PNPT1: variants seen among roughly 807,000 people sequenced by gnomAD.
The protein encoded by PNPT1 is polyribonucleotide nucleotidyltransferase 1, also known as polyribonucleotide nucleotidyltransferase 1, mitochondrial.
PNPT1 carries 53 observed loss-of-function variants against 119.5 expected under a neutral mutation model. The observed-to-expected ratio is 0.44, with a 90% CI of 0.36 to 0.56. The LOEUF is 0.56. PNPT1 is among the 20% of genes least tolerant of loss of function. The probability of loss-of-function intolerance (pLI) is 0.00; values close to 1 mark genes in which losing one functional copy is unlikely to be tolerated. For missense variants in PNPT1, 948 were observed against 938.5 expected (o/e 1.01, Z -0.13); for synonymous variants, 357 against 322.1 (o/e 1.11, Z -1.16).
At chr2:55,675,110 T>C (rs1487367208) in intron 8 of PNPT1, among the ~76,000 whole-genome samples, 1 of 151,774 alleles carries the variant, frequency 6.6e-6, no homozygotes, top group Non-Finnish European at 1.5e-5. Context: ...AGATAACAAC[T>C]AGAAGATAAA....
intron 3 of PNPT1, among the ~76,000 whole-genome samples, chr2:55,686,076 G>C (rs979921133): frequency 1.3e-5 from 2 of 152,170 alleles, no homozygotes; most frequent in African/African-American, 4.8e-5. Context: ...ATACTGAAGG[G>C]AAACTATGAG....
intron 18 of PNPT1, among the ~76,000 whole-genome samples, chr2:55,653,277 C>T (rs1265806119): frequency 2.0e-5 from 3 of 152,072 alleles, no homozygotes; most frequent in South Asian, 2.1e-4. Flanking sequence ...ATAATAAGAA[C>T]GTTTTCTGTC....
intron 5 of PNPT1, 135 bp from the exon 6 acceptor site, chr2:55,681,053 G>A (rs905203964): frequency 1.5e-4 from 102 of 684,542 alleles, no homozygotes; most frequent in Middle Eastern, 3.8e-4. Flanking sequence ...GTCATTAAAC[G>A]AAATGCTTGA....
chr2:55,637,665 A>AT (rs2104013271), intron 26 of PNPT1, 66 bp from the exon 27 acceptor site: 35 of 1,323,234 alleles, frequency 2.6e-5, no homozygotes, highest in East Asian at 6.9e-5. Context: ...GGAAGTACAC[A>AT]TTTTTTCCTC....
chr2:55,687,070 TG>T (rs1354712342), intron 2 of PNPT1, among the ~76,000 whole-genome samples: 1 of 151,686 alleles, frequency 6.6e-6, no homozygotes, highest in East Asian at 1.9e-4. Flanking sequence ...AAAAATTAGC[TG>T]GGCGTGGTGG....
At chr2:55,644,110 T>C (rs1459628661) in intron 23 of PNPT1, among the ~76,000 whole-genome samples, 1 of 152,068 alleles carries the variant, frequency 6.6e-6, no homozygotes, top group Non-Finnish European at 1.5e-5. Context: ...TTACGAGGGG[T>C]GAATAAATGA....
intron 1 of PNPT1, among the ~76,000 whole-genome samples, chr2:55,693,207 ACGTGGGGGACC>A: frequency 6.6e-6 from 1 of 152,140 alleles, no homozygotes; most frequent in Non-Finnish European, 1.5e-5. Context: ...GAGGAGTGGG[ACGTGGGGGACC>A]CGTGGTGCAC....
At chr2:55,685,101 A>G in intron 3 of PNPT1, 53 bp from the exon 4 acceptor site, 1 of 1,353,558 alleles carries the variant, frequency 7.4e-7, no homozygotes, top group Non-Finnish European at 1.0e-6. Context: ...GAAACAAACT[A>G]TACTGTATGA....
intron 12 of PNPT1, among the ~76,000 whole-genome samples, chr2:55,667,360 C>T (rs751435493): frequency 2.1e-4 from 32 of 152,004 alleles, no homozygotes; most frequent in Admixed American, 3.9e-4. Context: ...TTTTGGAGTC[C>T]GAGGCAGGCG....
chr2:55,684,395 TA>T (rs1467864267), intron 4 of PNPT1, among the ~76,000 whole-genome samples: 2 of 151,816 alleles, frequency 1.3e-5, no homozygotes, highest in Non-Finnish European at 2.9e-5. Flanking sequence ...ACCCGGGAGG[TA>T]GAGGTTGCAG....
intron 18 of PNPT1, among the ~76,000 whole-genome samples, chr2:55,650,175 C>CTACCA (rs1696128442): frequency 7.9e-6 from 1 of 126,724 alleles, no homozygotes; most frequent in Non-Finnish European, 1.8e-5. Flanking sequence ...TACCTCTACC[C>CTACCA]ACGGTCTCCC....
intron 2 of PNPT1, among the ~76,000 whole-genome samples, chr2:55,687,199 G>C (rs1429916062): frequency 8.3e-6 from 1 of 120,390 alleles, no homozygotes; most frequent in Admixed American, 9.1e-5. Context: ...GGGCAACAGA[G>C]TGAGACTCCA....
At chr2:55,686,277 A>G in intron 3 of PNPT1, 93 bp downstream of exon 3, 1 of 1,156,128 alleles carries the variant, frequency 8.6e-7, no homozygotes, top group Admixed American at 2.5e-5. Context: ...GCAAGTTTGT[A>G]TTTTCCACTC....
intron 13 of PNPT1, among the ~76,000 whole-genome samples, chr2:55,666,502 T>C (rs956848528): frequency 6.6e-6 from 1 of 152,172 alleles, no homozygotes; most frequent in African/African-American, 2.4e-5. Context: ...GCATAGTTTA[T>C]TGAACAGCAA....
chr2:55,681,870 G>A (rs947471441), intron 5 of PNPT1, among the ~76,000 whole-genome samples: 4 of 148,466 alleles, frequency 2.7e-5, no homozygotes, highest in South Asian at 2.1e-4. Flanking sequence ...GGCTGGGCGC[G>A]GTGGCTCACG....
intron 1 of PNPT1, among the ~76,000 whole-genome samples, chr2:55,691,244 A>G (rs1056081138): frequency 6.6e-6 from 1 of 152,246 alleles, no homozygotes; most frequent in South Asian, 2.1e-4. Flanking sequence ...TTTGATACAT[A>G]GTAGATGCTC....
chr2:55,643,394 C>A lies in PNPT1; in HGVS notation c.1938G>T (p.Thr646=). Residue 646 remains threonine, a synonymous_variant, in exon 24 of 28, where the codon ACG becomes ACT. Coordinates refer to ENST00000447944, the MANE Select transcript of PNPT1 (RefSeq NM_033109.5). ...TGGGTGTTGGTGCAAATACAGAAAA[C>A]GTTTCTTCATCCACCTGACTAATAG... is the stretch of plus-strand genomic sequence containing the variant. The part of the protein sequence containing the change: ...GVTISQVDEE[T]FSVFAPTPSA... 6.2e-7 allele frequency: 1 copy of A among 1,614,024 alleles called. No individual in the cohort carries two copies. The highest frequency in any genetic ancestry group is 8.5e-7 in the Non-Finnish European group (1 of 1,180,008).
Position 55,646,422 on chromosome 2 carries a change from G to T in PNPT1, c.1667C>A (p.Ala556Glu). 1 of 1,611,846 alleles carries T rather than the reference G, an allele frequency of 6.2e-7. No homozygotes were observed. Among genetic ancestry groups the T allele is most frequent in the Non-Finnish European group, 8.5e-7 (1 of 1,178,600 alleles). Reference protein sequence around the residue: ...KIAGTNKGITALQADIKLPGI... With the variant: ...KIAGTNKGITELQADIKLPGI... Reference sequence around the variant, plus strand: ...AATGGGTTTTAAAAATACCTGTAATGCAGTTATTCCTTTATTAGTGCCAGC... The same window carrying T: ...AATGGGTTTTAAAAATACCTGTAATTCAGTTATTCCTTTATTAGTGCCAGC... The change falls in exon 20 of 28, where the codon GCA becomes GAA. Residue 556 changes from alanine (A) to glutamate (E), a missense_variant. Transcript: ENST00000447944.
chr2:55,657,165 C>T (rs1047838540), intron 15 of PNPT1, among the ~76,000 whole-genome samples: 1 of 151,858 alleles, frequency 6.6e-6, no homozygotes, highest in African/African-American at 2.4e-5. Flanking sequence ...CCTGTATCTA[C>T]TAAAAATAGA....
Sources: allele counts gnomAD v4.1 joint callset (sites outside exome capture counted in the v4.1 genomes callset), GRCh38; gene constraint gnomAD v4.1.1; transcripts MANE v1.5; gene names NCBI Gene and HGNC (gene_info 2026-07-23, HGNC 2026-07-21).